Variants in EXOSC1 observed in about 807,000 individuals in gnomAD.
The protein encoded by EXOSC1 is exosome component 1.
EXOSC1 carries 27 observed loss-of-function variants against 31.4 expected under a neutral mutation model. The ratio of observed to expected loss-of-function variants is 0.86; its 90% CI spans 0.63 to 1.18. The LOEUF (loss-of-function observed/expected upper bound fraction) is 1.18, where lower values mean the gene tolerates loss of function less well. Ranked by LOEUF, EXOSC1 falls within the 50% of genes most tolerant of loss-of-function variation. The pLI, the probability that EXOSC1 is intolerant of heterozygous loss-of-function variation, is 0.00. For synonymous variants in EXOSC1, 84 were observed against 89.5 expected, an observed-to-expected ratio of 0.94 and a Z score of 0.35; for missense variants, 228 against 250.3, an observed-to-expected ratio of 0.91 and a Z score of 0.60.
At chr10:97,439,598 A>C (rs943541626) in intron 4 of EXOSC1, among the ~76,000 whole-genome samples, 1 of 152,220 alleles carries the variant, frequency 6.6e-6, no homozygotes. Context: ...CGCTGATTCT[A>C]TATTATGGTG....
intron 3 of EXOSC1, among the ~76,000 whole-genome samples, chr10:97,441,809 T>TA (rs1323751797): frequency 1.4e-5 from 2 of 146,776 alleles, no homozygotes; most frequent in African/African-American, 5.0e-5. Flanking sequence ...TTTTTTTTTT[T>TA]AAATCTTTTC....
At chr10:97,437,611 G>C in intron 6 of EXOSC1, 89 bp downstream of exon 6, 5 of 1,275,296 alleles carry the variant, frequency 3.9e-6, no homozygotes, top group Non-Finnish European at 5.7e-6. Context: ...GCCTCCGAAA[G>C]TGCTGGGATT....
chr10:97,445,657 C>A, intron 2 of EXOSC1, 75 bp downstream of exon 2: 1 of 1,393,544 alleles, frequency 7.2e-7, no homozygotes. Context: ...GTCCGCAGTG[C>A]CCATGCCTAA....
chr10:97,438,340 C>G (rs1290173936), intron 5 of EXOSC1, among the ~76,000 whole-genome samples: 1 of 151,946 alleles, frequency 6.6e-6, no homozygotes, highest in Non-Finnish European at 1.5e-5. Context: ...CCTCAGCCTC[C>G]CAAGTAGCTA....
chr10:97,437,820 T>C (rs1845591820), intron 5 of EXOSC1, 70 bp from the exon 6 acceptor site: 2 of 1,285,612 alleles, frequency 1.6e-6, no homozygotes, highest in Non-Finnish European at 2.3e-6. Flanking sequence ...TGAACGCTTC[T>C]GGTAAAGCCA....
At position 97,443,317 on chromosome 10, in the gene EXOSC1, G is replaced by C. The variant is rs1450697968; in HGVS notation, c.148-6C>G. The C allele has an allele frequency of 1.2e-5, 20 of 1,612,794 alleles. No homozygotes were observed. The highest frequency in any genetic ancestry group is 1.6e-5 in the Non-Finnish European group (19 of 1,179,594). On this transcript the variant is annotated splice_region_variant and splice_polypyrimidine_tract_variant and intron_variant, in intron 2 of 7. Coordinates refer to ENST00000370902, the MANE Select transcript of EXOSC1 (RefSeq NM_016046.5). ...ACTACAGACACCACTGGAAGCTACA[G>C]AGGGAACAACAAAAAACTGAAATGT... is the stretch of plus-strand genomic sequence containing the variant.
At chr10:97,437,645 G>A (rs373789172) in intron 6 of EXOSC1, 55 bp downstream of exon 6, 19 of 1,550,112 alleles carry the variant, frequency 1.2e-5, no homozygotes, top group Non-Finnish European at 1.6e-5. Flanking sequence ...ACCACACCCG[G>A]CCTCCTTCTC....
chr10:97,443,371 G>A, intron 2 of EXOSC1, 60 bp from the exon 3 acceptor site: 1 of 1,444,668 alleles, frequency 6.9e-7, no homozygotes. Flanking sequence ...CAAGGCATTT[G>A]TGGCTTGAGA....
intron 2 of EXOSC1, among the ~76,000 whole-genome samples, 163 bp from the exon 3 acceptor site, chr10:97,443,474 G>T (rs1449242154): frequency 1.3e-5 from 2 of 152,202 alleles, no homozygotes; most frequent in Non-Finnish European, 2.9e-5. Flanking sequence ...TTAGGAAATA[G>T]GAGGACCAGG....
Position 97,445,994 on chromosome 10 carries a change from C to G in EXOSC1, c.-9G>C, listed in dbSNP as rs1845977216. ...CTCACAGGTGGCGCCATGATTGCCG[C>G]TGTCCCAAAACCAGGATGAAAACGA... On this transcript the variant is annotated 5_prime_UTR_variant, in exon 1 of 8. Transcript: ENST00000370902. 2 of 1,614,114 alleles carry G rather than the reference C, an allele frequency of 1.2e-6. No individual in the cohort carries two copies. The highest frequency in any genetic ancestry group is 1.7e-5 in the Admixed American group (1 of 60,000).
Position 97,445,961 on chromosome 10 carries a change from T to C in EXOSC1, c.25A>G (p.Ile9Val). MAPPVRYC[I>V]PGERLCNLEE... Reference sequence around the variant, plus strand: ...ACGGGAAGCGCTCACTTACCGGGGATGCAGTATCTCACAGGTGGCGCCATG... The same window carrying C: ...ACGGGAAGCGCTCACTTACCGGGGACGCAGTATCTCACAGGTGGCGCCATG... Residue 9 changes from isoleucine to valine, a missense_variant, in exon 1 of 8, where the codon ATC becomes GTC. Transcript: ENST00000370902. 6.2e-7 allele frequency: 1 copy of C among 1,614,228 alleles called. No homozygotes were observed. The highest frequency in any genetic ancestry group is 1.1e-5 in the South Asian group (1 of 91,086).
At chr10:97,445,497 G>A (rs958436597) in intron 2 of EXOSC1, 7 of 573,176 alleles carry the variant, frequency 1.2e-5, no homozygotes, top group African/African-American at 7.5e-5. Flanking sequence ...GTTCGCATCT[G>A]CTTTTGTCCC....
chr10:97,441,848 T>G (rs1455892646), intron 3 of EXOSC1, among the ~76,000 whole-genome samples: 1 of 146,808 alleles, frequency 6.8e-6, no homozygotes, highest in African/African-American at 2.5e-5. Context: ...AGGTATAGAC[T>G]TTTTAAAGTA....
At chr10:97,439,641 G>A (rs1329055238) in intron 4 of EXOSC1, among the ~76,000 whole-genome samples, 2 of 152,112 alleles carry the variant, frequency 1.3e-5, no homozygotes, top group Admixed American at 1.3e-4. Flanking sequence ...ATATTACAGT[G>A]TAATAATAAC....
At chr10:97,436,619 G>A (rs1174805750) in intron 7 of EXOSC1, 68 bp from the exon 8 acceptor site, 13 of 1,455,052 alleles carry the variant, frequency 8.9e-6, no homozygotes, top group African/African-American at 1.5e-5. Flanking sequence ...CTTTTATGCT[G>A]GGTATGAAGC....
At position 97,437,807 on chromosome 10, in the gene EXOSC1, CTG is replaced by C. The variant is rs997285045; in HGVS notation, c.346-59_346-58del. 181 of 1,407,680 alleles carry C rather than the reference CTG, an allele frequency of 1.3e-4. No individual in the cohort carries two copies. In the Admixed American group the frequency reaches 2.2e-3, roughly 17 times the overall value. The allele number at this position is 1,407,680 out of a possible 1,614,324, so 87.2% of individuals were successfully genotyped here. On this transcript the variant is annotated intron_variant, in intron 5 of 7. Transcript: ENST00000370902. The stretch of plus-strand genomic sequence containing the variant: ...AGCTCTAGACTGGGTCTATATGAAA[CTG>C]TGAACGCTTCTGGTAAAGCCAATCT...
chr10:97,436,162 TATC>T lies in EXOSC1; in HGVS notation c.*280_*282del, dbSNP rs568244423. The T allele has an allele frequency of 2.6e-3, 850 of 323,596 alleles. 2 individuals carry two copies. Among genetic ancestry groups the T allele is most frequent in the Admixed American group, 6.9e-3 (130 of 18,728 alleles). The allele number at this position is 323,596 out of a possible 1,614,324, so 20.0% of individuals were successfully genotyped here. ...TAACATCCTTTTAGTAAAAAAGTTT[TATC>T]ATAGCAAAAAATATGTATTTATAAG... is the stretch of plus-strand genomic sequence containing the variant. On this transcript the variant is annotated 3_prime_UTR_variant, in exon 8 of 8. Coordinates refer to ENST00000370902, the MANE Select transcript of EXOSC1 (RefSeq NM_016046.5).
rs533892236 is a variant in EXOSC1, at chr10:97,442,927, G to A, written c.222+310C>T. ...GCTGGTCTTGAACTCCTGACCACAGGTGATCTGCCCACCTCGGCCTCCCAA... is the reference window on the plus strand; with the variant it reads ...GCTGGTCTTGAACTCCTGACCACAGATGATCTGCCCACCTCGGCCTCCCAA... On this transcript the variant is annotated intron_variant, in intron 3 of 7. Transcript: ENST00000370902. Among the ~76,000 whole-genome samples, 3 of 152,248 alleles carry A rather than the reference G, an allele frequency of 2.0e-5. No individual in the cohort carries two copies. In the South Asian group the frequency reaches 6.2e-4, roughly 32 times the overall value.
intron 5 of EXOSC1, 101 bp from the exon 6 acceptor site, chr10:97,437,851 G>A (rs1845592769): frequency 3.2e-6 from 3 of 952,022 alleles, no homozygotes; most frequent in Non-Finnish European, 5.0e-6. Context: ...TAATCCTGGA[G>A]GGTAGAAATC....
Sources: allele counts gnomAD v4.1 joint callset (sites outside exome capture counted in the v4.1 genomes callset), GRCh38; gene constraint gnomAD v4.1.1; transcripts MANE v1.5; gene names NCBI Gene and HGNC (gene_info 2026-07-23, HGNC 2026-07-21).